AIG1: variants seen among roughly 807,000 people sequenced by gnomAD.
AIG1 encodes the protein androgen induced 1.
A neutral mutation model predicts 31.4 loss-of-function variants in AIG1; 23 were observed. The observed-to-expected ratio is 0.73, with a 90% CI of 0.53 to 1.04. The LOEUF is 1.04. Ranked by LOEUF, AIG1 falls within the 50% of genes least tolerant of loss-of-function variation. The pLI, the probability that AIG1 is intolerant of heterozygous loss-of-function variation, is 0.00. For synonymous variants in AIG1, 100 were observed against 110.5 expected (o/e 0.90, Z 0.60); for missense variants, 274 against 295.0 (o/e 0.93, Z 0.52).
intron 3 of AIG1, among the ~76,000 whole-genome samples, chr6:143,191,917 G>A (rs1270336524): frequency 2.4e-5 from 3 of 124,456 alleles, no homozygotes; most frequent in Non-Finnish European, 3.8e-5. Flanking sequence ...GTTTCCCCAC[G>A]AAAGTTTTGT....
At chr6:143,103,885 C>T (rs938496327) in intron 1 of AIG1, among the ~76,000 whole-genome samples, 12 of 152,188 alleles carry the variant, frequency 7.9e-5, no homozygotes, top group African/African-American at 2.6e-4. Flanking sequence ...GAGGTTTGGT[C>T]ACTGGCCAGG....
chr6:143,294,521 A>C (rs1427854314), intron 4 of AIG1, among the ~76,000 whole-genome samples: 2 of 152,178 alleles, frequency 1.3e-5, no homozygotes, highest in African/African-American at 4.8e-5. Context: ...GGATAATAAT[A>C]ATAAGTCTCT....
chr6:143,158,104 T>C (rs1342206405), intron 2 of AIG1, among the ~76,000 whole-genome samples: 1 of 152,170 alleles, frequency 6.6e-6, no homozygotes, highest in Non-Finnish European at 1.5e-5. Context: ...CAGCTCATTT[T>C]TATCACAGCT....
chr6:143,105,785 A>G (rs143844893), intron 1 of AIG1, among the ~76,000 whole-genome samples: 3 of 152,346 alleles, frequency 2.0e-5, no homozygotes, highest in Middle Eastern at 3.4e-3. Context: ...GTAGTAGTAC[A>G]TGTTCCTTGA....
At chr6:143,105,955 G>A (rs1780766648) in intron 1 of AIG1, among the ~76,000 whole-genome samples, 1 of 152,334 alleles carries the variant, frequency 6.6e-6, no homozygotes, top group South Asian at 2.1e-4. Context: ...GTGAGCTCGT[G>A]TGCTTTTCCC....
At chr6:143,145,840 A>G (rs1008718548) in intron 2 of AIG1, among the ~76,000 whole-genome samples, 3 of 152,266 alleles carry the variant, frequency 2.0e-5, no homozygotes, top group Non-Finnish European at 4.4e-5. Context: ...AAATATATAC[A>G]GTAAAGTTGA....
rs185527864 is a variant in AIG1 at position 143,190,923 on chromosome 6, G to A, written c.399+25740G>A. ...TGTTGGTCAACCCTGGATGGCTCGG[G>A]TCTCATACTCAGAGGTTCTGATGGA... On this transcript the variant is annotated intron_variant, in intron 3 of 5. Transcript: ENST00000357847. 7.2e-5 allele frequency among the ~76,000 whole-genome samples: 11 copies of A among 152,168 alleles called. No homozygotes were observed. In the East Asian group the frequency reaches 2.1e-3, roughly 29 times the overall value.
At position 143,293,952 on chromosome 6, in the gene AIG1, C is replaced by T. The variant is rs1798237250; in HGVS notation, c.515+9727C>T. 6.6e-6 allele frequency among the ~76,000 whole-genome samples: 1 copy of T among 152,134 alleles called. No individual in the cohort carries two copies. Among genetic ancestry groups the T allele is most frequent in the South Asian group, 2.1e-4 (1 of 4,822 alleles). ...ACCTCCACCTCACTCTCCCAGTCCT[C>T]CCAGCAGATGGCCTGGCCTTTTATT... On this transcript the variant is annotated intron_variant, in intron 4 of 5. Transcript: ENST00000357847. This position sits in a 1 kb window ranked among gnomAD's most constrained non-coding sequence, Gnocchi z 4.8.
chr6:143,340,118 G>A lies in AIG1; in HGVS notation c.*442G>A, dbSNP rs1777796980. 1 of 152,890 alleles carries A rather than the reference G, an allele frequency of 6.5e-6. No individual in the cohort carries two copies. The highest frequency in any genetic ancestry group is 1.5e-5 in the Non-Finnish European group (1 of 68,608). The allele number at this position is 152,890 out of a possible 1,614,324, so 9.5% of individuals were successfully genotyped here. On this transcript the variant is annotated 3_prime_UTR_variant, in exon 6 of 6. Coordinates refer to ENST00000357847, the MANE Select transcript of AIG1 (RefSeq NM_016108.4). ...TGTAATCATGAACCTAGGCCACCAT[G>A]GGGACCTGAGAGGGAAGGGGACAGA...
chr6:143,307,824 G>A (rs571221028), intron 4 of AIG1, among the ~76,000 whole-genome samples: 2 of 152,366 alleles, frequency 1.3e-5, no homozygotes, highest in Admixed American at 6.5e-5. Context: ...ACAGAGGCAG[G>A]CAGGCAGGCC....
chr6:143,108,091 A>G (rs1241531120), intron 1 of AIG1, among the ~76,000 whole-genome samples: 1 of 151,132 alleles, frequency 6.6e-6, no homozygotes, highest in African/African-American at 2.4e-5. Flanking sequence ...CTGACAGTTA[A>G]GTAAAACATA....
intron 3 of AIG1, among the ~76,000 whole-genome samples, chr6:143,230,433 T>G (rs1268937882): frequency 6.7e-6 from 1 of 150,044 alleles, no homozygotes; most frequent in African/African-American, 2.4e-5. Flanking sequence ...GATTACCTGT[T>G]AAATGATAAT....
At chr6:143,081,361 A>G (rs1295459061) in intron 1 of AIG1, among the ~76,000 whole-genome samples, 1 of 152,038 alleles carries the variant, frequency 6.6e-6, no homozygotes, top group Non-Finnish European at 1.5e-5. Context: ...GGAAGTCCGA[A>G]TCTGGGAATT....
intron 3 of AIG1, among the ~76,000 whole-genome samples, chr6:143,278,712 G>A (rs1161155286): frequency 2.6e-5 from 4 of 151,586 alleles, no homozygotes; most frequent in Non-Finnish European, 4.4e-5. Flanking sequence ...CAGGTGATCC[G>A]CCCGCCTCAG....
chr6:143,104,703 C>T (rs554987983), intron 1 of AIG1, among the ~76,000 whole-genome samples: 1 of 152,040 alleles, frequency 6.6e-6, no homozygotes, highest in East Asian at 1.9e-4. Flanking sequence ...AGTTCAAGAC[C>T]TGCCTGAGCA....
intron 2 of AIG1, among the ~76,000 whole-genome samples, chr6:143,143,852 A>G (rs1289051615): frequency 6.6e-6 from 1 of 152,136 alleles, no homozygotes; most frequent in Non-Finnish European, 1.5e-5. Flanking sequence ...TTCAAGATCA[A>G]TAAGGAAAAT....
rs749251899 is a variant in AIG1 at position 143,336,636 on chromosome 6, C to T, written c.680-3003C>T. On this transcript the variant is annotated intron_variant, in intron 5 of 5. Transcript: ENST00000357847. Reference sequence around the variant, plus strand: ...GGGGGACAGAGTTCAGCTCATAATACTTCACTCTCTCCCCACCAGAATACA... The same window carrying T: ...GGGGGACAGAGTTCAGCTCATAATATTTCACTCTCTCCCCACCAGAATACA... Among the ~76,000 whole-genome samples, 36 of 152,234 alleles carry T rather than the reference C, an allele frequency of 2.4e-4. 1 individual carries two copies. The highest frequency in any genetic ancestry group is 5.0e-4 in the Non-Finnish European group (34 of 68,040).
At chr6:143,149,323 G>A (rs1784973221) in intron 2 of AIG1, among the ~76,000 whole-genome samples, 1 of 151,698 alleles carries the variant, frequency 6.6e-6, no homozygotes. Flanking sequence ...TCAGGAGATC[G>A]AGACCATCCT....
chr6:143,060,687 G>T (rs747709314), upstream of AIG1: 22 of 449,476 alleles, frequency 4.9e-5, no homozygotes, highest in South Asian at 3.5e-4. Context: ...CCGCCTGCCA[G>T]GCCGCGGCCG....
Sources: allele counts gnomAD v4.1 joint callset (sites outside exome capture counted in the v4.1 genomes callset), GRCh38; gene constraint gnomAD v4.1.1; non-coding constraint Gnocchi (gnomAD v3.1); transcripts MANE v1.5; gene names NCBI Gene and HGNC (gene_info 2026-07-23, HGNC 2026-07-21).